Variants in FAM110B observed in about 807,000 individuals in gnomAD.
FAM110B encodes the protein family with sequence similarity 110 member B, also known as protein FAM110B.
FAM110B carries 6 observed loss-of-function variants against 20.4 expected under a neutral mutation model. The ratio of observed to expected loss-of-function variants is 0.29; its 90% CI spans 0.16 to 0.58. The LOEUF (loss-of-function observed/expected upper bound fraction) is 0.58, where lower values mean the gene tolerates loss of function less well. Among genes scored for constraint, FAM110B ranks in the 20% least tolerant of loss-of-function variants. The pLI is 0.90. For synonymous variants in FAM110B, 226 were observed against 214.1 expected (o/e 1.06, Z -0.49); for missense variants, 434 against 498.2 (o/e 0.87, Z 1.23).
chr8:58,019,442 T>G (rs1356320866), intron 1 of FAM110B, among the ~76,000 whole-genome samples: 1 of 151,914 alleles, frequency 6.6e-6, no homozygotes, highest in Non-Finnish European at 1.5e-5. Flanking sequence ...CCATTTCTTG[T>G]GTGCTTCATT....
intron 2 of FAM110B, among the ~76,000 whole-genome samples, chr8:58,040,802 C>T (rs934513930): frequency 6.6e-6 from 1 of 151,976 alleles, no homozygotes; most frequent in African/African-American, 2.4e-5. Flanking sequence ...TGAAAATGTC[C>T]ACTTATGATA....
chr8:58,013,027 C>G (rs80046962), intron 1 of FAM110B, among the ~76,000 whole-genome samples: 1 of 152,098 alleles, frequency 6.6e-6, no homozygotes, highest in African/African-American at 2.4e-5. Flanking sequence ...TGCTTCCCCC[C>G]GGGCTGTCAC....
intron 3 of FAM110B, among the ~76,000 whole-genome samples, chr8:58,123,046 C>T (rs1242170860): frequency 5.3e-5 from 8 of 152,168 alleles, no homozygotes; most frequent in Non-Finnish European, 1.2e-4. Flanking sequence ...TGTTCTGTTC[C>T]TTGCCTTATG....
intron 1 of FAM110B, among the ~76,000 whole-genome samples, chr8:57,995,250 C>T (rs1804160243): frequency 6.6e-6 from 1 of 151,934 alleles, no homozygotes; most frequent in African/African-American, 2.4e-5. Context: ...GATGGGGACT[C>T]CGCTCGGCCA....
chr8:58,064,378 G>A (rs1440245173), intron 2 of FAM110B, among the ~76,000 whole-genome samples: 2 of 150,938 alleles, frequency 1.3e-5, no homozygotes, highest in Non-Finnish European at 2.9e-5. Flanking sequence ...GAAATGGACA[G>A]GGGTAAATGT....
chr8:58,084,764 T>C (rs529059293), intron 3 of FAM110B, among the ~76,000 whole-genome samples: 16 of 150,216 alleles, frequency 1.1e-4, no homozygotes, highest in Non-Finnish European at 1.8e-4. Context: ...CATCCCCAGA[T>C]AGAATGGGTT....
Position 58,025,150 on chromosome 8 carries a change from A to C in FAM110B, c.-511-6456A>C, listed in dbSNP as rs149983993. On this transcript the variant is annotated intron_variant, in intron 1 of 3. Coordinates refer to ENST00000519262, the MANE Select transcript of FAM110B (RefSeq NM_001377989.1). ...CAGGGGTTTGTGGTTTAGTGACGAG[A>C]TACAGCTATAACTAACCTTTATATC... Among the ~76,000 whole-genome samples, 3 of 152,334 alleles carry C rather than the reference A, an allele frequency of 2.0e-5. No homozygotes were observed. The East Asian group carries it at 5.8e-4, about 29-fold the overall frequency.
chr8:58,138,244 G>GTGGA (rs1803665847), intron 3 of FAM110B, among the ~76,000 whole-genome samples: 1 of 152,258 alleles, frequency 6.6e-6, no homozygotes, highest in Non-Finnish European at 1.5e-5. Flanking sequence ...TGCTCAGCTA[G>GTGGA]TGGATGCCCC....
intron 1 of FAM110B, among the ~76,000 whole-genome samples, chr8:58,008,125 CAT>C (rs1491397493): frequency 9.3e-5 from 11 of 117,934 alleles, no homozygotes; most frequent in African/African-American, 3.7e-4. Context: ...GAAAAGCTTG[CAT>C]TTTTTTTTTT....
chr8:58,037,798 C>G (rs1805115803), intron 2 of FAM110B, among the ~76,000 whole-genome samples: 1 of 152,100 alleles, frequency 6.6e-6, no homozygotes, highest in Non-Finnish European at 1.5e-5. Context: ...TGTTTCCTAA[C>G]TTAATTAGAA....
At chr8:58,061,676 C>T (rs1273589924) in intron 2 of FAM110B, among the ~76,000 whole-genome samples, 1 of 152,194 alleles carries the variant, frequency 6.6e-6, no homozygotes, top group Non-Finnish European at 1.5e-5. Flanking sequence ...CACACCACTT[C>T]CAGTTTCAGA....
chr8:58,077,064 C>G (rs1186886006), intron 3 of FAM110B: 1 of 152,172 alleles, frequency 6.6e-6, no homozygotes, highest in Non-Finnish European at 1.5e-5. Flanking sequence ...CAACAACACC[C>G]CTCAGTGCTA....
intron 3 of FAM110B, among the ~76,000 whole-genome samples, chr8:58,092,064 CT>C (rs577551966): frequency 6.6e-6 from 1 of 152,186 alleles, no homozygotes; most frequent in Non-Finnish European, 1.5e-5. Flanking sequence ...AGAGTAACCA[CT>C]GCTAAAAGAC....
At chr8:58,036,930 T>C (rs765903942) in intron 2 of FAM110B, among the ~76,000 whole-genome samples, 3 of 152,250 alleles carry the variant, frequency 2.0e-5, no homozygotes, top group Non-Finnish European at 4.4e-5. Flanking sequence ...TTGTGAAATT[T>C]GGTAATATAA....
chr8:58,050,442 T>C (rs1563351394), intron 2 of FAM110B, among the ~76,000 whole-genome samples: 1 of 151,828 alleles, frequency 6.6e-6, no homozygotes, highest in Non-Finnish European at 1.5e-5. Flanking sequence ...GCGCAAGGAG[T>C]TGGCTACACA....
intron 2 of FAM110B, among the ~76,000 whole-genome samples, chr8:58,051,435 G>A (rs969395314): frequency 2.0e-5 from 3 of 152,160 alleles, no homozygotes; most frequent in South Asian, 2.1e-4. Flanking sequence ...GAAATGTTTT[G>A]TGTTCCTTGA....
intron 2 of FAM110B, among the ~76,000 whole-genome samples, chr8:58,052,849 G>A (rs1024574422): frequency 1.6e-5 from 2 of 126,300 alleles, no homozygotes; most frequent in Admixed American, 9.7e-5. Flanking sequence ...GCAGTGGCGC[G>A]ATCTCGGCTC....
intron 3 of FAM110B, among the ~76,000 whole-genome samples, chr8:58,124,875 A>C (rs562118542): frequency 2.0e-5 from 3 of 152,324 alleles, no homozygotes; most frequent in Admixed American, 1.3e-4. Flanking sequence ...TTTTAAAGAA[A>C]AATGATTCTT....
intron 3 of FAM110B, among the ~76,000 whole-genome samples, chr8:58,092,735 G>T (rs887518758): frequency 3.9e-5 from 6 of 152,300 alleles, no homozygotes; most frequent in African/African-American, 1.4e-4. Flanking sequence ...ATAGTAGAAT[G>T]ATTTATAATC....
Sources: gnomAD v4.1 joint callset for allele counts (sites outside exome capture counted in the v4.1 genomes callset) on GRCh38, gnomAD v4.1.1 for gene constraint, MANE v1.5 for transcripts, NCBI Gene and HGNC (gene_info 2026-07-23, HGNC 2026-07-21) for gene names.